The following PTPRN2 variants were observed in gnomAD, a reference collection of about 807,000 sequenced individuals.
The protein encoded by PTPRN2 is protein tyrosine phosphatase receptor type N2.
Under a neutral mutation model 118.8 loss-of-function variants are expected in PTPRN2, and 74 were observed. The ratio of observed to expected loss-of-function variants is 0.62; its 90% CI spans 0.52 to 0.76. PTPRN2 has a LOEUF of 0.76. PTPRN2 is among the 30% of genes least tolerant of loss of function. PTPRN2 has a pLI of 0.00. For missense variants in PTPRN2, 1,481 were observed against 1,394.4 expected (o/e 1.06, Z -0.99); for synonymous variants, 641 against 608.0 (o/e 1.05, Z -0.80).
At chr7:157,803,872 T>A (rs1428238479) in intron 12 of PTPRN2, among the ~76,000 whole-genome samples, 1 of 152,224 alleles carries the variant, frequency 6.6e-6, no homozygotes, top group East Asian at 1.9e-4. Context: ...TGTGGAGCTC[T>A]GGGCAGGTTT....
chr7:157,665,879 C>A (rs1563322705), intron 13 of PTPRN2, among the ~76,000 whole-genome samples: 1 of 152,160 alleles, frequency 6.6e-6, no homozygotes. Flanking sequence ...CAAAATATCA[C>A]AAAGACAGAA....
chr7:158,318,479 T>C (rs879554816), intron 2 of PTPRN2, among the ~76,000 whole-genome samples: 18 of 151,020 alleles, frequency 1.2e-4, no homozygotes, highest in Admixed American at 9.2e-4. Context: ...GAGGAGGGAG[T>C]GAGCCACGGG....
intron 15 of PTPRN2, among the ~76,000 whole-genome samples, chr7:157,607,251 C>G (rs1802056690): frequency 6.6e-6 from 1 of 152,240 alleles, no homozygotes; most frequent in South Asian, 2.1e-4. Flanking sequence ...ATTCCAGAAA[C>G]CCAGTTTCAC....
chr7:158,552,752 C>T (rs1826744619), intron 1 of PTPRN2, among the ~76,000 whole-genome samples: 1 of 152,220 alleles, frequency 6.6e-6, no homozygotes, highest in South Asian at 2.1e-4. Context: ...TGGCCCGATA[C>T]TTTCATAATC....
intron 13 of PTPRN2, among the ~76,000 whole-genome samples, chr7:157,659,331 G>A (rs1237080812): frequency 9.2e-6 from 1 of 108,700 alleles, no homozygotes; most frequent in Non-Finnish European, 1.9e-5. Context: ...CGGGGACTGG[G>A]GGGGGACGAC....
intron 11 of PTPRN2, among the ~76,000 whole-genome samples, chr7:158,050,529 C>T (rs1021080622): frequency 1.3e-5 from 2 of 152,214 alleles, no homozygotes; most frequent in African/African-American, 2.4e-5. Context: ...CTGGTTCTCT[C>T]TGAGCTTCCC....
intron 3 of PTPRN2, among the ~76,000 whole-genome samples, chr7:158,219,803 A>C (rs1431418046): frequency 1.3e-5 from 2 of 151,932 alleles, no homozygotes; most frequent in Non-Finnish European, 2.9e-5. Context: ...AGAAACATAC[A>C]ACCTTGCAAT....
In PTPRN2 at chr7:157,645,961, A is replaced by G. The variant is rs992383136; in HGVS notation, c.2196+10396T>C. Among the ~76,000 whole-genome samples, 9 of 152,338 alleles carry G rather than the reference A, an allele frequency of 5.9e-5. No homozygotes were observed. The East Asian group carries it at 1.2e-3, about 20-fold the overall frequency. On this transcript the variant is annotated intron_variant, in intron 14 of 22. Coordinates refer to ENST00000389418, the MANE Select transcript of PTPRN2 (RefSeq NM_002847.5). ...TTAGGTCACTGTAAAGCTGCTTTTG[A>G]AAAAGGTGCAAGACGTAAGGGCTAA...
At chr7:157,672,314 G>A (rs1406725214) in intron 13 of PTPRN2, among the ~76,000 whole-genome samples, 1 of 152,120 alleles carries the variant, frequency 6.6e-6, no homozygotes, top group Non-Finnish European at 1.5e-5. Flanking sequence ...TCAGCTTCAC[G>A]TTTGGGGCTC....
intron 1 of PTPRN2, among the ~76,000 whole-genome samples, chr7:158,543,012 T>TG (rs112367879): frequency 0.039 from 5,905 of 152,288 alleles, 360 homozygotes; most frequent in African/African-American, 0.13. Context: ...TGCGCCGGGT[T>TG]GGGTCAGAAT....
intron 3 of PTPRN2, among the ~76,000 whole-genome samples, chr7:158,260,471 A>C (rs959344900): frequency 6.6e-6 from 1 of 152,228 alleles, no homozygotes; most frequent in African/African-American, 2.4e-5. Flanking sequence ...AAGCAGAGAC[A>C]CAACCGGATA....
rs537940434 is a variant in PTPRN2 at position 158,525,036 on chromosome 7, C to T, written c.113-35251G>A. ...CCCAGCAGCGGTCTCCTGCACCCTC[C>T]GAAAAGACAGCCCTTGGAAGACTGT... On this transcript the variant is annotated intron_variant, in intron 1 of 22. Transcript: ENST00000389418. The surrounding 1 kb of genome is among the most constrained non-coding windows in gnomAD (Gnocchi z 4.1). Among the ~76,000 whole-genome samples, 2 of 152,204 alleles carry T rather than the reference C, an allele frequency of 1.3e-5. No homozygotes were observed. The highest frequency in any genetic ancestry group is 2.1e-4 in the South Asian group (1 of 4,826).
chr7:157,741,105 G>A (rs1368328504), intron 12 of PTPRN2, among the ~76,000 whole-genome samples: 1 of 152,216 alleles, frequency 6.6e-6, no homozygotes, highest in Non-Finnish European at 1.5e-5. Flanking sequence ...CTAACTCACA[G>A]TCGGAGCCAC....
intron 2 of PTPRN2, among the ~76,000 whole-genome samples, chr7:158,355,157 C>T (rs1295099560): frequency 6.6e-6 from 1 of 152,200 alleles, no homozygotes; most frequent in Non-Finnish European, 1.5e-5. Flanking sequence ...ACCCACCTTA[C>T]AATAAATGCT....
At chr7:157,895,054 C>CCA (rs1554484938) in intron 12 of PTPRN2, among the ~76,000 whole-genome samples, 2 of 151,876 alleles carry the variant, frequency 1.3e-5, no homozygotes, top group East Asian at 3.9e-4. Context: ...GGACCCCTCC[C>CCA]CCACAGGAGG....
At position 157,617,400 on chromosome 7, in the gene PTPRN2, C is replaced by T. The variant is rs1455256430; in HGVS notation, c.2344+3962G>A. ...GCAGAGCACGGGCGACGCTGGCTCA[C>T]GATGCCCCAGTGATGCCGTGGTTAG... On this transcript the variant is annotated intron_variant, in intron 15 of 22. Coordinates refer to ENST00000389418, the MANE Select transcript of PTPRN2 (RefSeq NM_002847.5). This position sits in a 1 kb window ranked among gnomAD's most constrained non-coding sequence, Gnocchi z 7.5. The T allele has an allele frequency of 6.8e-6, 1 of 147,648 alleles. No individual in the cohort carries two copies. Among genetic ancestry groups the T allele is most frequent in the African/African-American group, 2.5e-5 (1 of 39,500 alleles). The allele number at this position is 147,648 out of a possible 1,614,324, so 9.1% of individuals were successfully genotyped here.
At chr7:157,767,943 T>A (rs988899486) in intron 12 of PTPRN2, among the ~76,000 whole-genome samples, 1 of 152,238 alleles carries the variant, frequency 6.6e-6, no homozygotes, top group East Asian at 1.9e-4. Context: ...ATTAAGGACA[T>A]GAAGGCACAG....
intron 2 of PTPRN2, among the ~76,000 whole-genome samples, chr7:158,489,263 T>G (rs1232148122): frequency 6.6e-6 from 1 of 152,026 alleles, no homozygotes; most frequent in Non-Finnish European, 1.5e-5. Context: ...CTGGCCAACA[T>G]GGTGAAACCC....
chr7:158,195,752 A>G (rs999621676), intron 4 of PTPRN2, among the ~76,000 whole-genome samples: 1 of 151,482 alleles, frequency 6.6e-6, no homozygotes, highest in African/African-American at 2.4e-5. Context: ...CCTGTCTCCT[A>G]CTTATTGTGT....
Sources: gnomAD v4.1 joint callset for allele counts (sites outside exome capture counted in the v4.1 genomes callset) on GRCh38, gnomAD v4.1.1 for gene constraint, Gnocchi (gnomAD v3.1) non-coding constraint, MANE v1.5 for transcripts, NCBI Gene and HGNC (gene_info 2026-07-23, HGNC 2026-07-21) for gene names.